Variants in FGF6 observed in about 807,000 individuals in gnomAD.
FGF6 encodes FGF-6.
FGF6 carries 14 observed loss-of-function variants against 18.4 expected under a neutral mutation model. The observed-to-expected ratio is 0.76, with a 90% CI of 0.50 to 1.19. FGF6 has a LOEUF of 1.19. FGF6 is among the 50% of genes most tolerant of loss of function. The pLI is 0.00. For missense variants in FGF6, 266 were observed against 271.6 expected (o/e 0.98, Z 0.15); for synonymous variants, 125 against 116.7 (o/e 1.07, Z -0.46).
intron 2 of FGF6, among the ~76,000 whole-genome samples, chr12:4,436,913 G>A (rs777407421): frequency 2.0e-5 from 3 of 152,192 alleles, no homozygotes; most frequent in African/African-American, 7.2e-5. Context: ...TGTTTTCCTC[G>A]TTAGGATGCT....
intron 2 of FGF6, among the ~76,000 whole-genome samples, chr12:4,435,221 T>C (rs1390800821): frequency 6.6e-6 from 1 of 151,696 alleles, no homozygotes; most frequent in East Asian, 1.9e-4. Context: ...CAGCAGGAGG[T>C]GAGCGGTGGG....
At chr12:4,441,319 C>T (rs961194094) in intron 2 of FGF6, among the ~76,000 whole-genome samples, 1 of 152,194 alleles carries the variant, frequency 6.6e-6, no homozygotes, top group African/African-American at 2.4e-5. Flanking sequence ...GGAACTGGAA[C>T]TCGGGTCGCG....
At chr12:4,438,622 A>G (rs1865650807) in intron 2 of FGF6, among the ~76,000 whole-genome samples, 1 of 151,932 alleles carries the variant, frequency 6.6e-6, no homozygotes, top group South Asian at 2.1e-4. Flanking sequence ...TTAGCTGGGC[A>G]TGGTGGTGCA....
At chr12:4,439,557 T>C (rs1219813784) in intron 2 of FGF6, among the ~76,000 whole-genome samples, 4 of 152,158 alleles carry the variant, frequency 2.6e-5, no homozygotes, top group Non-Finnish European at 5.9e-5. Context: ...TCCTAAAACA[T>C]GATTGTTTAA....
At chr12:4,434,754 A>G (rs1027962868) in intron 2 of FGF6, among the ~76,000 whole-genome samples, 5 of 152,190 alleles carry the variant, frequency 3.3e-5, no homozygotes, top group African/African-American at 1.2e-4. Flanking sequence ...CCATTCAAAG[A>G]ACAGACCAGG....
chr12:4,438,777 A>AAG (rs1555102465), intron 2 of FGF6, among the ~76,000 whole-genome samples: 15 of 150,666 alleles, frequency 1.0e-4, no homozygotes, highest in African/African-American at 3.4e-4. Context: ...AAAAAAAAAA[A>AAG]AGAGGAGTAA....
rs780277371 is a variant in FGF6, at chr12:4,445,297, C to A, written c.274G>T (p.Val92Leu). The change falls in exon 1 of 3, where the codon GTG becomes TTG. Residue 92 changes from valine to leucine, a missense_variant. By Grantham distance (32) the Val-to-Leu change is conservative (BLOSUM62 1). Transcript: ENST00000228837. This position sits in a 1 kb window ranked among gnomAD's most constrained non-coding sequence, Gnocchi z 5.5. ...IKRQRRLYCN[V>L]GIGFHLQVLP... is the part of the protein sequence containing the mutation. ...ACCTGGAGGTGAAAGCCGATGCCCA[C>A]GTTGCAGTAGAGCCTCCGCTGCCGC... 2.5e-6 allele frequency: 4 copies of A among 1,614,108 alleles called. No individual in the cohort carries two copies. Among genetic ancestry groups the A allele is most frequent in the East Asian group, 2.2e-5 (1 of 44,884 alleles).
At chr12:4,437,464 G>A (rs1410055747) in intron 2 of FGF6, among the ~76,000 whole-genome samples, 3 of 152,142 alleles carry the variant, frequency 2.0e-5, no homozygotes, top group Non-Finnish European at 4.4e-5. Flanking sequence ...CCCTCATTAG[G>A]AGCCTCTCTG....
At chr12:4,440,280 A>G (rs1267222927) in intron 2 of FGF6, among the ~76,000 whole-genome samples, 3 of 152,196 alleles carry the variant, frequency 2.0e-5, no homozygotes, top group African/African-American at 7.2e-5. Context: ...AGGAGCAAGC[A>G]TATCCATGGG....
At chr12:4,441,946 C>T (rs1334532935) in intron 2 of FGF6, among the ~76,000 whole-genome samples, 1 of 151,960 alleles carries the variant, frequency 6.6e-6, no homozygotes, top group Non-Finnish European at 1.5e-5. Flanking sequence ...GTGCCCCAGG[C>T]TTGGGGCACA....
Position 4,442,569 on chromosome 12 carries a change from T to A in FGF6, c.450+1564A>T, listed in dbSNP as rs189893138. Among the ~76,000 whole-genome samples, 693 of 152,344 alleles carry A rather than the reference T, an allele frequency of 4.5e-3. 1 individual carries two copies. The highest frequency in any genetic ancestry group is 6.7e-3 in the Non-Finnish European group (458 of 68,032). On this transcript the variant is annotated intron_variant, in intron 2 of 2. Coordinates refer to ENST00000228837, the MANE Select transcript of FGF6 (RefSeq NM_020996.3). ...ATTTACTTGCTAAAACGTCCCTTGC[T>A]TGCATGGAGTCCCACAGCCAACAGC...
chr12:4,436,959 G>A (rs1400440237), intron 2 of FGF6, among the ~76,000 whole-genome samples: 1 of 152,188 alleles, frequency 6.6e-6, no homozygotes, highest in Non-Finnish European at 1.5e-5. Context: ...ATGAAGGGAT[G>A]TCTTAAAGGT....
chr12:4,440,877 TTGTAATGCCCCAGATAATAA>T lies in FGF6; in HGVS notation c.450+3236_450+3255del, dbSNP rs17183647. 1.8e-3 allele frequency among the ~76,000 whole-genome samples: 275 copies of T among 152,314 alleles called. 1 individual carries two copies. The highest frequency in any genetic ancestry group is 6.3e-3 in the African/African-American group (260 of 41,576). On this transcript the variant is annotated intron_variant, in intron 2 of 2. Transcript: ENST00000228837. ...CAAGGCAAGGCTGGTCCTCCCAGCC[TTGTAATGCCCCAGATAATAA>T]TGTAATGCCCCAGATAATAATGCAA...
chr12:4,442,605 G>A (rs11063154), intron 2 of FGF6, among the ~76,000 whole-genome samples: 77 of 152,224 alleles, frequency 5.1e-4, no homozygotes, highest in Non-Finnish European at 8.5e-4. Context: ...CTAAATTCCC[G>A]GCTCTCCCGA....
Position 4,445,163 on chromosome 12 carries a change from C to A in FGF6, c.346+62G>T. ...TGTCCGCTAGAGCAGGGCCCCTTCA[C>A]CTTTTAGCCCTGCATGAGCCCAAAC... is the stretch of plus-strand genomic sequence containing the variant. On this transcript the variant is annotated intron_variant, in intron 1 of 2. Coordinates refer to ENST00000228837, the MANE Select transcript of FGF6 (RefSeq NM_020996.3). This position sits in a 1 kb window ranked among gnomAD's most constrained non-coding sequence, Gnocchi z 5.5. The A allele has an allele frequency of 7.2e-7, 1 of 1,398,422 alleles. No individual in the cohort carries two copies. The highest frequency in any genetic ancestry group is 9.8e-7 in the Non-Finnish European group (1 of 1,020,320). The allele number at this position is 1,398,422 out of a possible 1,614,324, so 86.6% of individuals were successfully genotyped here. A position where few individuals can be genotyped will look rare whatever the true frequency, so the allele number is the denominator to read the frequency against.
In FGF6 at chr12:4,445,295, C is replaced by T; in HGVS notation, c.276G>A (p.Val92=). The T allele has an allele frequency of 3.7e-6, 6 of 1,614,112 alleles. No homozygotes were observed. The highest frequency in any genetic ancestry group is 4.2e-6 in the Non-Finnish European group (5 of 1,180,046). The change falls in exon 1 of 3, where the codon GTG becomes GTA. Residue 92 remains valine (V), a synonymous_variant. Coordinates refer to ENST00000228837, the MANE Select transcript of FGF6 (RefSeq NM_020996.3). The surrounding 1 kb of genome is among the most constrained non-coding windows in gnomAD (Gnocchi z 5.5). ...IKRQRRLYCN[V]GIGFHLQVLP... ...GCACCTGGAGGTGAAAGCCGATGCC[C>T]ACGTTGCAGTAGAGCCTCCGCTGCC...
Position 4,434,234 on chromosome 12 carries a change from T to G in FGF6, c.608A>C (p.His203Pro). ...GGGTCCTTAGATCCTGGGAAGGAAA[T>G]GAGTGACAGTCATGATCGGGGACAC... ...SKVSPIMTVT[H>P]FLPRI The change falls in exon 3 of 3, where the codon CAT becomes CCT. Residue 203 changes from histidine to proline, a missense_variant. Coordinates refer to ENST00000228837, the MANE Select transcript of FGF6 (RefSeq NM_020996.3). 1 of 1,614,108 alleles carries G rather than the reference T, an allele frequency of 6.2e-7. No homozygotes were observed. Among genetic ancestry groups the G allele is most frequent in the South Asian group, 1.1e-5 (1 of 91,068 alleles).
intron 2 of FGF6, among the ~76,000 whole-genome samples, chr12:4,435,745 ACTGGACTTCCTGTCACATGAACG>A (rs1446344015): frequency 9.2e-5 from 14 of 151,836 alleles, no homozygotes; most frequent in East Asian, 1.9e-4. Context: ...TCACATGAAC[ACTGGACTTCCTGTCACATGAACG>A]CTGGACTTCC....
rs199706354 is a variant in FGF6 at position 4,434,296 on chromosome 12, G to C, written c.546C>G (p.Ala182=). The part of the protein sequence containing the change: ...ESDLYQGTYI[A]LSKYGRVKRG... ...GCTTTACCCGTCCGTATTTGCTCAG[G>C]GCAATGTAGGTCCCTTGGTACAAGT... Residue 182 remains alanine (A), a synonymous_variant, in exon 3 of 3, where the codon GCC becomes GCG. Coordinates refer to ENST00000228837, the MANE Select transcript of FGF6 (RefSeq NM_020996.3). The C allele has an allele frequency of 6.2e-7, 1 of 1,614,182 alleles. No individual in the cohort carries two copies. The highest frequency in any genetic ancestry group is 2.2e-5 in the East Asian group (1 of 44,882).
Sources: allele counts gnomAD v4.1 joint callset (sites outside exome capture counted in the v4.1 genomes callset), GRCh38; gene constraint gnomAD v4.1.1; non-coding constraint Gnocchi (gnomAD v3.1); transcripts MANE v1.5; gene names NCBI Gene and HGNC (gene_info 2026-07-23, HGNC 2026-07-21).